The following UNC80 variants were observed in gnomAD, a reference collection of about 807,000 sequenced individuals.
UNC80 encodes the protein unc-80 subunit of NALCN channel complex.
Under a neutral mutation model 384.6 loss-of-function variants are expected in UNC80, and 164 were observed. The ratio of observed to expected loss-of-function variants is 0.43; its 90% CI spans 0.38 to 0.49. The LOEUF is 0.49. Among genes scored for constraint, UNC80 ranks in the 20% least tolerant of loss-of-function variants. The pLI, the probability that UNC80 is intolerant of heterozygous loss-of-function variation, is 0.00. For synonymous variants in UNC80, 1,486 were observed against 1,527.8 expected (o/e 0.97, Z 0.64); for missense variants, 3,330 against 4,143.0 (o/e 0.80, Z 5.39).
rs1559158116 is a variant in UNC80 at position 209,829,298 on chromosome 2, T to A, written c.2545T>A (p.Tyr849Asn). ...KMQFRQTMRD[Y>N]VNKDSLNNVV... ...GCAGTTCCGACAAACCATGAGGGACTATGTGAACAAGGACTCTCTCAATAA... is the reference window on the plus strand; with the variant it reads ...GCAGTTCCGACAAACCATGAGGGACAATGTGAACAAGGACTCTCTCAATAA... Residue 849 changes from tyrosine (Y) to asparagine (N), a missense_variant, in exon 15 of 65, where the codon TAT (tyrosine) becomes AAT (asparagine). Around this residue, in one of 8 missense-constraint regions of UNC80, gnomAD observed 937 missense variants for 1,026.8 expected, o/e 0.91. Coordinates refer to ENST00000673920, the MANE Select transcript of UNC80 (RefSeq NM_001371986.1). 6.4e-7 allele frequency: 1 copy of A among 1,551,474 alleles called. No individual in the cohort carries two copies. The highest frequency in any genetic ancestry group is 2.4e-5 in the East Asian group (1 of 40,916).
intron 7 of UNC80, among the ~76,000 whole-genome samples, chr2:209,802,334 G>C (rs1191358367): frequency 2.6e-5 from 4 of 151,962 alleles, no homozygotes; most frequent in African/African-American, 9.7e-5. Flanking sequence ...AAGTATGTGA[G>C]ATGATGATGA....
chr2:209,975,573 G>A (rs2125016179), intron 56 of UNC80, among the ~76,000 whole-genome samples: 1 of 152,296 alleles, frequency 6.6e-6, no homozygotes, highest in South Asian at 2.1e-4. Flanking sequence ...GCAGTTTAGT[G>A]TGGGGTCAGG....
intron 7 of UNC80, chr2:209,809,507 G>A (rs2079178123): frequency 1.7e-6 from 2 of 1,177,194 alleles, no homozygotes; most frequent in Admixed American, 1.7e-5. Context: ...TGCCAGGCGT[G>A]CGCTCGAACC....
Position 209,771,905 on chromosome 2 carries a change from G to C in UNC80, c.-168G>C. ...CCTCCCGCAGCCATGTTCCACGCGC[G>C]GGGAGGGGTGGGGGGAGGGGAGAGG... On this transcript the variant is annotated 5_prime_UTR_variant, in exon 1 of 65. Transcript: ENST00000673920. The C allele has an allele frequency of 1.6e-6, 1 of 614,344 alleles. No individual in the cohort carries two copies. The highest frequency in any genetic ancestry group is 1.8e-5 in the South Asian group (1 of 56,152). 38.1% of individuals were successfully genotyped at this position (614,344 alleles called of 1,614,324 possible).
intron 40 of UNC80, 51 bp downstream of exon 40, chr2:209,935,859 C>T (rs1477358017): frequency 2.7e-6 from 3 of 1,092,750 alleles, no homozygotes; most frequent in Non-Finnish European, 4.0e-6. Context: ...GCTATGGCCA[C>T]CTCACTGAAG....
chr2:209,876,113 T>C (rs924592464), intron 23 of UNC80, among the ~76,000 whole-genome samples: 2 of 152,196 alleles, frequency 1.3e-5, no homozygotes, highest in Non-Finnish European at 2.9e-5. Context: ...ATGAGTTGTT[T>C]CGTTATGTTA....
chr2:209,881,579 C>T (rs952079331), intron 25 of UNC80, among the ~76,000 whole-genome samples: 5 of 151,932 alleles, frequency 3.3e-5, no homozygotes, highest in Non-Finnish European at 7.4e-5. Context: ...TGTAGCATTT[C>T]CTAGAGATTA....
chr2:209,922,434 C>A, intron 35 of UNC80, 51 bp downstream of exon 35: 1 of 1,522,038 alleles, frequency 6.6e-7, no homozygotes, highest in Non-Finnish European at 8.9e-7. Context: ...TGTTTTGAAA[C>A]ACTTTCCAGT....
chr2:209,853,876 A>G (rs1227094269), intron 22 of UNC80, among the ~76,000 whole-genome samples: 3 of 152,128 alleles, frequency 2.0e-5, no homozygotes, highest in African/African-American at 2.4e-5. Context: ...AATTCTCCCT[A>G]GTCTGTGAGT....
chr2:209,835,346 A>G (rs749764871), intron 18 of UNC80, among the ~76,000 whole-genome samples: 1 of 152,200 alleles, frequency 6.6e-6, no homozygotes, highest in Non-Finnish European at 1.5e-5. Flanking sequence ...AAAATCACTT[A>G]TAATTTTTTA....
At chr2:209,883,776 T>C (rs1164372423) in intron 25 of UNC80, among the ~76,000 whole-genome samples, 1 of 152,196 alleles carries the variant, frequency 6.6e-6, no homozygotes. Flanking sequence ...ACGTACTTAC[T>C]CATATAAGTG....
At chr2:209,836,772 C>T (rs926062568) in intron 18 of UNC80, among the ~76,000 whole-genome samples, 1 of 152,200 alleles carries the variant, frequency 6.6e-6, no homozygotes, top group South Asian at 2.1e-4. Flanking sequence ...CTTCCCTCCC[C>T]TTCTGGCCCT....
At chr2:209,800,960 G>A (rs1483822673) in intron 7 of UNC80, among the ~76,000 whole-genome samples, 1 of 152,152 alleles carries the variant, frequency 6.6e-6, no homozygotes, top group African/African-American at 2.4e-5. Context: ...GCTGAGGAGT[G>A]TTCTACTTCC....
intron 23 of UNC80, 88 bp downstream of exon 23, chr2:209,873,058 A>G: frequency 7.9e-7 from 1 of 1,258,962 alleles, no homozygotes; most frequent in Non-Finnish European, 1.1e-6. Context: ...TTTGAAGACA[A>G]TTTATTGAGT....
At chr2:209,846,830 T>C (rs1241440675) in intron 21 of UNC80, among the ~76,000 whole-genome samples, 1 of 152,130 alleles carries the variant, frequency 6.6e-6, no homozygotes, top group African/African-American at 2.4e-5. Context: ...AATTACTTTT[T>C]GACATTTCTT....
At chr2:209,804,449 C>A (rs917942741) in intron 7 of UNC80, among the ~76,000 whole-genome samples, 4 of 152,122 alleles carry the variant, frequency 2.6e-5, no homozygotes, top group Non-Finnish European at 5.9e-5. Flanking sequence ...TTGCTTCCTG[C>A]CAGTAAAGTT....
At chr2:209,823,401 C>T (rs1399986211) in intron 13 of UNC80, among the ~76,000 whole-genome samples, 1 of 152,118 alleles carries the variant, frequency 6.6e-6, no homozygotes, top group African/African-American at 2.4e-5. Context: ...TCAGGATGAC[C>T]TTTTCTGAGG....
intron 56 of UNC80, among the ~76,000 whole-genome samples, chr2:209,974,917 G>A (rs1481922879): frequency 6.6e-6 from 1 of 152,202 alleles, no homozygotes; most frequent in Non-Finnish European, 1.5e-5. Flanking sequence ...AAAGAGGAGT[G>A]TTGTTTTTTA....
intron 22 of UNC80, 43 bp downstream of exon 22, chr2:209,849,666 A>C (rs1323741895): frequency 2.0e-6 from 3 of 1,536,806 alleles, no homozygotes; most frequent in African/African-American, 2.8e-5. Context: ...CCCCATCCCA[A>C]GTAGCACTAT....
Sources: gnomAD v4.1 joint callset for allele counts (sites outside exome capture counted in the v4.1 genomes callset) on GRCh38, gnomAD v4.1.1 for gene constraint, gnomAD v4.1.1 regional missense constraint, MANE v1.5 for transcripts, NCBI Gene and HGNC (gene_info 2026-07-23, HGNC 2026-07-21) for gene names.